The following PCDH11X variants were observed in gnomAD, a reference collection of about 807,000 sequenced individuals.
PCDH11X encodes protocadherin 11 X-linked.
A neutral mutation model predicts 53.3 loss-of-function variants in PCDH11X; 18 were observed. The observed-to-expected ratio is 0.34, with a 90% CI of 0.23 to 0.50. The LOEUF is 0.50. PCDH11X is among the 20% of genes least tolerant of loss of function. PCDH11X has a pLI of 0.98. For missense variants in PCDH11X, 570 were observed against 1,032.4 expected, an observed-to-expected ratio of 0.55 and a Z score of 6.14; for synonymous variants, 279 against 393.3, an observed-to-expected ratio of 0.71 and a Z score of 3.44.
intron 6 of PCDH11X, among the ~76,000 whole-genome samples, chrX:91,989,094 A>T (rs58399491): frequency 0.31 from 34,190 of 109,345 alleles, 4,228 homozygotes; most frequent in African/African-American, 0.44. Context: ...ACCCTGTTTC[A>T]TTGGACAGTG....
intron 6 of PCDH11X, among the ~76,000 whole-genome samples, chrX:92,064,271 G>T (rs1461182631): frequency 9.2e-6 from 1 of 108,650 alleles, no homozygotes; most frequent in Non-Finnish European, 1.9e-5. Context: ...TGCATTGGCA[G>T]CAGTGATGGC....
At chrX:91,875,375 G>C (rs1386350163) in intron 5 of PCDH11X, among the ~76,000 whole-genome samples, 2 of 103,303 alleles carry the variant, frequency 1.9e-5, no homozygotes, top group African/African-American at 3.6e-5. Flanking sequence ...CTCCGCCTCT[G>C]GGGTTCATGC....
At chrX:91,872,095 G>C (rs760641224) in intron 5 of PCDH11X, among the ~76,000 whole-genome samples, 13 of 110,112 alleles carry the variant, frequency 1.2e-4, no homozygotes, top group Admixed American at 2.9e-4. Flanking sequence ...TTGATCACAC[G>C]TATCCATGTT....
At chrX:92,007,801 T>C (rs1341492211) in intron 6 of PCDH11X, among the ~76,000 whole-genome samples, 1 of 111,827 alleles carries the variant, frequency 8.9e-6, no homozygotes, top group East Asian at 2.8e-4. Context: ...AGACCCTCAA[T>C]GTAGTACCTG....
At chrX:92,178,220 A>C (rs1466147475) in intron 6 of PCDH11X, among the ~76,000 whole-genome samples, 3 of 111,579 alleles carry the variant, frequency 2.7e-5, no homozygotes, top group Admixed American at 9.6e-5. Flanking sequence ...GCCCCCAGTG[A>C]CTCTCAAAAT....
chrX:92,265,509 A>T (rs73245240), intron 8 of PCDH11X, among the ~76,000 whole-genome samples: 1 of 111,417 alleles, frequency 9.0e-6, no homozygotes, highest in Non-Finnish European at 1.9e-5. Context: ...TAAGCATAAT[A>T]AAAAAAACAT....
intron 10 of PCDH11X, among the ~76,000 whole-genome samples, chrX:92,480,917 C>G (rs1480805666): frequency 9.0e-6 from 1 of 111,317 alleles, no homozygotes; most frequent in Non-Finnish European, 1.9e-5. Context: ...GTACTTGTCT[C>G]CCTACACACA....
chrX:92,005,129 G>C (rs1229499548), intron 6 of PCDH11X, among the ~76,000 whole-genome samples: 1 of 110,905 alleles, frequency 9.0e-6, no homozygotes, highest in Admixed American at 9.6e-5. Context: ...AGTGGGTCTT[G>C]CTTCTTTATC....
At chrX:92,069,061 C>T (rs2063659095) in intron 6 of PCDH11X, among the ~76,000 whole-genome samples, 2 of 109,298 alleles carry the variant, frequency 1.8e-5, no homozygotes, top group African/African-American at 3.3e-5. Context: ...CTGTCCAATC[C>T]TGAAAGCGGG....
chrX:92,388,758 A>G (rs1603297709), intron 9 of PCDH11X, among the ~76,000 whole-genome samples: 1 of 108,165 alleles, frequency 9.2e-6, no homozygotes, highest in East Asian at 2.9e-4. Flanking sequence ...AGTCATAGCC[A>G]TAAACCAATA....
At chrX:92,476,032 G>A (rs1356049282) in intron 10 of PCDH11X, among the ~76,000 whole-genome samples, 5 of 111,551 alleles carry the variant, frequency 4.5e-5, no homozygotes, top group Non-Finnish European at 9.4e-5. Flanking sequence ...AATTCCCATG[G>A]GTTGTGGGAC....
At chrX:92,344,306 G>A (rs969181172) in intron 8 of PCDH11X, among the ~76,000 whole-genome samples, 2 of 110,094 alleles carry the variant, frequency 1.8e-5, no homozygotes, top group African/African-American at 6.6e-5. Flanking sequence ...TAATAATTAG[G>A]CAGCATAAAG....
intron 10 of PCDH11X, among the ~76,000 whole-genome samples, chrX:92,493,195 G>A (rs1237649540): frequency 9.0e-6 from 1 of 110,890 alleles, no homozygotes; most frequent in Admixed American, 9.6e-5. Context: ...CTACAGTAAA[G>A]TTCAGTGAGA....
intron 9 of PCDH11X, among the ~76,000 whole-genome samples, chrX:92,412,142 AGAG>A (rs1288607976): frequency 6.5e-5 from 5 of 76,969 alleles, no homozygotes; most frequent in East Asian, 4.4e-4. Context: ...CAGCAGCAGC[AGAG>A]GAGGAGGAGG....
In PCDH11X at chrX:92,322,719, C is replaced by T. The variant is rs947672770; in HGVS notation, c.3144+59576C>T. ...CTATTATTAATAACGCTCTTATCAA[C>T]ACTCATAAAGTCTATTGCCAGGGGA... On this transcript the variant is annotated intron_variant, in intron 8 of 10. Coordinates refer to ENST00000682573, the MANE Select transcript of PCDH11X (RefSeq NM_032968.5). 9.0e-4 allele frequency among the ~76,000 whole-genome samples: 100 copies of T among 111,650 alleles called. 2 individuals carry two copies. Among genetic ancestry groups the T allele is most frequent in the Non-Finnish European group, 1.7e-3 (92 of 53,115 alleles).
chrX:92,278,382 G>A (rs1264688843), intron 8 of PCDH11X, among the ~76,000 whole-genome samples: 3 of 112,116 alleles, frequency 2.7e-5, no homozygotes, highest in African/African-American at 9.7e-5. Context: ...TCCGTGTGAA[G>A]AGACCACCAA....
chrX:92,046,416 C>G (rs1478717299), intron 6 of PCDH11X, among the ~76,000 whole-genome samples: 1 of 111,186 alleles, frequency 9.0e-6, no homozygotes, highest in African/African-American at 3.3e-5. Context: ...GATAATCTAC[C>G]AAACGCAAAA....
intron 9 of PCDH11X, among the ~76,000 whole-genome samples, chrX:92,441,023 C>T (rs1017220757): frequency 1.8e-5 from 2 of 111,282 alleles, no homozygotes; most frequent in African/African-American, 3.3e-5. Flanking sequence ...GAAAAGTTGA[C>T]TCTTGTTATC....
intron 6 of PCDH11X, among the ~76,000 whole-genome samples, chrX:92,098,882 G>A (rs1471419143): frequency 9.1e-6 from 1 of 110,394 alleles, no homozygotes; most frequent in Non-Finnish European, 1.9e-5. Flanking sequence ...CCCAACCTCA[G>A]GTGATCAGCC....
Sources: gnomAD v4.1 joint callset for allele counts (sites outside exome capture counted in the v4.1 genomes callset) on GRCh38, gnomAD v4.1.1 for gene constraint, MANE v1.5 for transcripts, NCBI Gene and HGNC (gene_info 2026-07-23, HGNC 2026-07-21) for gene names.